Variants in KHDRBS2 observed in about 807,000 individuals in gnomAD.
KHDRBS2 encodes KH RNA binding domain containing, signal transduction associated 2.
KHDRBS2 carries 26 observed loss-of-function variants against 44.3 expected under a neutral mutation model. That is an observed-to-expected ratio of 0.59 (90% CI 0.43 to 0.81). The LOEUF is 0.81. Ranked by LOEUF, KHDRBS2 falls within the 40% of genes least tolerant of loss-of-function variation. The probability of loss-of-function intolerance (pLI) is 0.00; values close to 1 mark genes in which losing one functional copy is unlikely to be tolerated. For missense variants in KHDRBS2, 476 were observed against 433.1 expected, an observed-to-expected ratio of 1.10 and a Z score of -0.88; for synonymous variants, 194 against 151.1, an observed-to-expected ratio of 1.28 and a Z score of -2.08.
chr6:61,972,435 G>A (rs1771626293), intron 4 of KHDRBS2, among the ~76,000 whole-genome samples: 1 of 152,028 alleles, frequency 6.6e-6, no homozygotes, highest in Non-Finnish European at 1.5e-5. Context: ...AGCAATACAG[G>A]AAATATTTCT....
the KHDRBS2 span, among the ~76,000 whole-genome samples, chr6:61,623,329 T>C: frequency 2.6e-5 from 4 of 152,080 alleles, no homozygotes; most frequent in African/African-American, 9.7e-5. Flanking sequence ...CCTACAGTGT[T>C]GGAAATGTCA....
At chr6:62,104,697 G>C (rs1057192626) in intron 2 of KHDRBS2, among the ~76,000 whole-genome samples, 1 of 151,220 alleles carries the variant, frequency 6.6e-6, no homozygotes, top group African/African-American at 2.4e-5. Context: ...AAAACAGAAA[G>C]TTCTCAAATC....
chr6:61,888,735 G>A (rs750391787), intron 6 of KHDRBS2, among the ~76,000 whole-genome samples: 3 of 151,808 alleles, frequency 2.0e-5, no homozygotes, highest in South Asian at 2.1e-4. Flanking sequence ...CTAACTTTTC[G>A]CATTTTTAGT....
At chr6:61,899,275 A>G (rs574631941) in intron 5 of KHDRBS2, among the ~76,000 whole-genome samples, 2 of 152,052 alleles carry the variant, frequency 1.3e-5, no homozygotes, top group African/African-American at 2.4e-5. Flanking sequence ...AAGGAAAAGA[A>G]TATCTCTTAT....
intron 6 of KHDRBS2, among the ~76,000 whole-genome samples, chr6:61,768,172 G>C (rs1350569445): frequency 6.6e-6 from 1 of 152,000 alleles, no homozygotes; most frequent in Non-Finnish European, 1.5e-5. Context: ...ACTTTCTCCT[G>C]GCCTGTAAGG....
intron 8 of KHDRBS2, among the ~76,000 whole-genome samples, chr6:61,695,739 C>T (rs1767832877): frequency 6.6e-6 from 1 of 152,052 alleles, no homozygotes; most frequent in Non-Finnish European, 1.5e-5. Flanking sequence ...CCATGGTTAG[C>T]AATAATTGTG....
chr6:61,903,216 A>G (rs1388342309), intron 4 of KHDRBS2, among the ~76,000 whole-genome samples: 2 of 152,228 alleles, frequency 1.3e-5, no homozygotes, highest in Non-Finnish European at 2.9e-5. Context: ...TATCAAAATG[A>G]AACATTAATC....
At chr6:61,974,400 T>C (rs1772067105) in intron 4 of KHDRBS2, among the ~76,000 whole-genome samples, 1 of 134,404 alleles carries the variant, frequency 7.4e-6, no homozygotes, top group Non-Finnish European at 1.7e-5. Flanking sequence ...CTTTATAGAA[T>C]ATAAAGAGAG....
At chr6:61,948,654 CATTATT>C (rs145017316) in intron 4 of KHDRBS2, among the ~76,000 whole-genome samples, 33,637 of 141,454 alleles carry the variant, frequency 0.24, 4,346 homozygotes, top group Admixed American at 0.36. Flanking sequence ...TATATTCTCA[CATTATT>C]ATTATTATTA....
intron 4 of KHDRBS2, among the ~76,000 whole-genome samples, chr6:61,925,140 T>C (rs1044909533): frequency 1.3e-5 from 2 of 152,132 alleles, no homozygotes; most frequent in African/African-American, 4.8e-5. Flanking sequence ...GCTAGAAGAG[T>C]GATCACTAAG....
intron 4 of KHDRBS2, among the ~76,000 whole-genome samples, chr6:61,940,126 A>T (rs573604254): frequency 6.6e-6 from 1 of 152,246 alleles, no homozygotes; most frequent in South Asian, 2.1e-4. Context: ...TTTATCAAAG[A>T]TAAAGATAAC....
intron 3 of KHDRBS2, among the ~76,000 whole-genome samples, chr6:62,034,164 G>T (rs771908696): frequency 2.0e-5 from 3 of 151,626 alleles, no homozygotes; most frequent in Non-Finnish European, 4.4e-5. Context: ...TGAGATCAAA[G>T]CCATAATAAA....
intron 2 of KHDRBS2, among the ~76,000 whole-genome samples, chr6:62,076,376 C>T (rs561979141): frequency 6.6e-6 from 1 of 151,974 alleles, no homozygotes; most frequent in Admixed American, 6.6e-5. Flanking sequence ...ATAATAAGTG[C>T]TAAAAGAATT....
chr6:61,605,665 C>A, the KHDRBS2 span, among the ~76,000 whole-genome samples: 1 of 152,158 alleles, frequency 6.6e-6, no homozygotes, highest in Non-Finnish European at 1.5e-5. Context: ...TCACCTTAAT[C>A]TCTCCCACTC....
At chr6:61,612,993 C>T in the KHDRBS2 span, among the ~76,000 whole-genome samples, 9 of 151,732 alleles carry the variant, frequency 5.9e-5, no homozygotes, top group Admixed American at 3.3e-4. Flanking sequence ...GCTGGGACTA[C>T]AGGTGCCCGC....
chr6:61,664,880 G>A, the KHDRBS2 span, among the ~76,000 whole-genome samples: 7 of 151,642 alleles, frequency 4.6e-5, 1 homozygote, highest in South Asian at 1.2e-3. Flanking sequence ...AATAAATAAA[G>A]GTGTGTCTAT....
At chr6:61,873,271 C>G (rs1051817823) in intron 6 of KHDRBS2, among the ~76,000 whole-genome samples, 2 of 151,668 alleles carry the variant, frequency 1.3e-5, no homozygotes, top group Non-Finnish European at 2.9e-5. Flanking sequence ...ATATAAATGG[C>G]AAATAGTATC....
intron 2 of KHDRBS2, among the ~76,000 whole-genome samples, chr6:62,052,252 A>C (rs1030167186): frequency 1.3e-5 from 2 of 152,060 alleles, no homozygotes; most frequent in African/African-American, 4.8e-5. Context: ...ACTGACAGAC[A>C]AATGGATAAA....
At chr6:61,855,131 G>T (rs1208227253) in intron 6 of KHDRBS2, among the ~76,000 whole-genome samples, 1 of 152,104 alleles carries the variant, frequency 6.6e-6, no homozygotes, top group African/African-American at 2.4e-5. Context: ...GGGGGAAGGA[G>T]TGTTGTCCTT....
Sources: allele counts gnomAD v4.1 joint callset (sites outside exome capture counted in the v4.1 genomes callset), GRCh38; gene constraint gnomAD v4.1.1; transcripts MANE v1.5; gene names NCBI Gene and HGNC (gene_info 2026-07-23, HGNC 2026-07-21).